Variants in RHOBTB1 observed in about 807,000 individuals in gnomAD.
The protein encoded by RHOBTB1 is rho-related BTB domain-containing protein 1.
A neutral mutation model predicts 71.6 loss-of-function variants in RHOBTB1; 40 were observed. The observed-to-expected ratio is 0.56, with a 90% CI of 0.43 to 0.73. The LOEUF (loss-of-function observed/expected upper bound fraction) is 0.73, where lower values mean the gene tolerates loss of function less well. Ranked by LOEUF, RHOBTB1 falls within the 30% of genes least tolerant of loss-of-function variation. The probability of loss-of-function intolerance (pLI) is 0.00; values close to 1 mark genes in which losing one functional copy is unlikely to be tolerated. For missense variants in RHOBTB1, 797 were observed against 894.0 expected (o/e 0.89, Z 1.38); for synonymous variants, 319 against 334.9 (o/e 0.95, Z 0.52).
chr10:60,960,640 T>C (rs1450818264), intron 2 of RHOBTB1, among the ~76,000 whole-genome samples: 1 of 152,204 alleles, frequency 6.6e-6, no homozygotes, highest in Non-Finnish European at 1.5e-5. Flanking sequence ...GTCCCCACCA[T>C]ACATCTGATG....
At chr10:60,970,377 T>A (rs1209786358) in intron 2 of RHOBTB1, among the ~76,000 whole-genome samples, 1 of 152,100 alleles carries the variant, frequency 6.6e-6, no homozygotes, top group East Asian at 1.9e-4. Context: ...CACCCAGAAG[T>A]CATGTATTTA....
intron 2 of RHOBTB1, among the ~76,000 whole-genome samples, chr10:60,925,950 G>C (rs1351239605): frequency 6.6e-6 from 1 of 152,106 alleles, no homozygotes; most frequent in Non-Finnish European, 1.5e-5. Flanking sequence ...CCAGGACATA[G>C]TTGGGCGTGG....
intron 7 of RHOBTB1, among the ~76,000 whole-genome samples, chr10:60,880,202 T>TGTGTGA (rs1418979791): frequency 6.3e-5 from 8 of 126,936 alleles, no homozygotes; most frequent in African/African-American, 9.2e-5. Context: ...TGTGTGTGTG[T>TGTGTGA]GAGAGAGAGA....
chr10:60,911,241 A>T, intron 3 of RHOBTB1, 110 bp downstream of exon 3: 1 of 1,096,044 alleles, frequency 9.1e-7, no homozygotes, highest in Non-Finnish European at 1.3e-6. Context: ...TAAAAAGGTT[A>T]GTTTTGTTTT....
intron 4 of RHOBTB1, among the ~76,000 whole-genome samples, chr10:60,905,835 G>A (rs2082651640): frequency 6.6e-6 from 1 of 152,070 alleles, no homozygotes; most frequent in Non-Finnish European, 1.5e-5. Context: ...CACACTCACT[G>A]ATCCTTACTT....
At chr10:60,941,090 T>A (rs2084878470) in intron 2 of RHOBTB1, among the ~76,000 whole-genome samples, 2 of 152,204 alleles carry the variant, frequency 1.3e-5, no homozygotes, top group African/African-American at 4.8e-5. Flanking sequence ...ACTGGGCCAT[T>A]GTTATTATAT....
At chr10:60,988,345 T>C (rs1265601472) in intron 1 of RHOBTB1, among the ~76,000 whole-genome samples, 3 of 152,198 alleles carry the variant, frequency 2.0e-5, no homozygotes, top group Admixed American at 2.0e-4. Flanking sequence ...GGGATACATG[T>C]GCAGGTTTGT....
chr10:60,963,944 C>T (rs2085869996), intron 2 of RHOBTB1, among the ~76,000 whole-genome samples: 1 of 152,060 alleles, frequency 6.6e-6, no homozygotes, highest in South Asian at 2.1e-4. Context: ...GAATTTCCAA[C>T]TGAAGGGAAA....
intron 2 of RHOBTB1, among the ~76,000 whole-genome samples, chr10:60,957,952 A>G (rs1470762394): frequency 1.3e-5 from 2 of 152,198 alleles, no homozygotes; most frequent in African/African-American, 4.8e-5. Context: ...ATTCACAACC[A>G]TAATACAATA....
intron 1 of RHOBTB1, among the ~76,000 whole-genome samples, chr10:60,999,406 A>C (rs2087177083): frequency 6.6e-6 from 1 of 152,258 alleles, no homozygotes; most frequent in South Asian, 2.1e-4. Flanking sequence ...TATACTTAAA[A>C]GTAGCGTATA....
intron 2 of RHOBTB1, among the ~76,000 whole-genome samples, chr10:60,920,626 T>C (rs1409712087): frequency 6.6e-6 from 1 of 151,954 alleles, no homozygotes; most frequent in African/African-American, 2.4e-5. Flanking sequence ...ATTTGCTTTT[T>C]TTTTTTTTTT....
At chr10:60,934,292 A>C (rs367925354) in intron 2 of RHOBTB1, among the ~76,000 whole-genome samples, 2 of 152,228 alleles carry the variant, frequency 1.3e-5, no homozygotes, top group East Asian at 1.9e-4. Flanking sequence ...AGTCCTGAGC[A>C]GACGTCCCAC....
chr10:60,912,203 G>GTA (rs572293264), intron 2 of RHOBTB1, among the ~76,000 whole-genome samples: 5 of 145,790 alleles, frequency 3.4e-5, no homozygotes, highest in East Asian at 3.9e-4. Context: ...ATGTGTGTGT[G>GTA]TATATATATG....
intron 2 of RHOBTB1, among the ~76,000 whole-genome samples, chr10:60,962,376 G>A (rs1044737390): frequency 6.6e-6 from 1 of 152,042 alleles, no homozygotes; most frequent in African/African-American, 2.4e-5. Flanking sequence ...ATACAAGTGC[G>A]CAGACATGAC....
At chr10:60,967,805 CA>C (rs2086022835) in intron 2 of RHOBTB1, among the ~76,000 whole-genome samples, 1 of 151,964 alleles carries the variant, frequency 6.6e-6, no homozygotes, top group African/African-American at 2.4e-5. Flanking sequence ...TTGATTAATC[CA>C]AATAAATTAC....
At chr10:60,956,045 T>C (rs894801969) in intron 2 of RHOBTB1, among the ~76,000 whole-genome samples, 5 of 152,184 alleles carry the variant, frequency 3.3e-5, no homozygotes. Context: ...AACATGTCCT[T>C]AGGCAATTTC....
chr10:60,915,941 A>T (rs2083249301), intron 2 of RHOBTB1, among the ~76,000 whole-genome samples: 1 of 152,118 alleles, frequency 6.6e-6, no homozygotes, highest in Non-Finnish European at 1.5e-5. Flanking sequence ...ATCCTTTTGG[A>T]CACGTGCTGG....
downstream of RHOBTB1, among the ~76,000 whole-genome samples, chr10:60,864,906 G>A (rs1191117013): frequency 1.3e-5 from 2 of 152,166 alleles, no homozygotes; most frequent in East Asian, 1.9e-4. Context: ...GGCCAAGCTG[G>A]TCTTGACCTC....
intron 2 of RHOBTB1, among the ~76,000 whole-genome samples, chr10:60,924,210 C>A (rs570123163): frequency 6.6e-6 from 1 of 151,612 alleles, no homozygotes; most frequent in African/African-American, 2.4e-5. Context: ...GGACACAAAC[C>A]CTCTCCATAA....
Sources: gnomAD v4.1 joint callset for allele counts (sites outside exome capture counted in the v4.1 genomes callset) on GRCh38, gnomAD v4.1.1 for gene constraint, MANE v1.5 for transcripts, NCBI Gene and HGNC (gene_info 2026-07-23, HGNC 2026-07-21) for gene names.